PAK5: variants seen among roughly 807,000 people sequenced by gnomAD.
PAK5 encodes the protein serine/threonine-protein kinase PAK 5.
A neutral mutation model predicts 65.9 loss-of-function variants in PAK5; 16 were observed. That is an observed-to-expected ratio of 0.24 (90% CI 0.16 to 0.37). The LOEUF is 0.37. Among genes scored for constraint, PAK5 ranks in the 10% least tolerant of loss-of-function variants. PAK5 has a pLI of 1.00. For missense variants in PAK5, 785 were observed against 903.9 expected (o/e 0.87, Z 1.69); for synonymous variants, 371 against 354.9 (o/e 1.05, Z -0.51).
intron 3 of PAK5, among the ~76,000 whole-genome samples, chr20:9,591,412 T>A (rs371648602): frequency 4.6e-4 from 70 of 152,088 alleles, no homozygotes; most frequent in African/African-American, 1.6e-3. Flanking sequence ...ATGAAAGAAA[T>A]GTAAGCATAT....
At chr20:9,806,933 A>G (rs991385431) in intron 1 of PAK5, among the ~76,000 whole-genome samples, 2 of 152,202 alleles carry the variant, frequency 1.3e-5, no homozygotes, top group African/African-American at 4.8e-5. Context: ...GGGCCCAAGG[A>G]CAGAATCCAT....
chr20:9,796,022 A>G (rs1022105634), intron 1 of PAK5, among the ~76,000 whole-genome samples: 24 of 152,028 alleles, frequency 1.6e-4, no homozygotes, highest in African/African-American at 5.6e-4. Context: ...GGACCTTTAC[A>G]CTATAGCCTG....
intron 3 of PAK5, among the ~76,000 whole-genome samples, chr20:9,601,574 C>T (rs1051294064): frequency 2.6e-5 from 4 of 152,220 alleles, no homozygotes; most frequent in South Asian, 2.1e-4. Flanking sequence ...AATATTCTCT[C>T]GATTCTTCCC....
chr20:9,566,366 G>C lies in PAK5; in HGVS notation c.1009C>G (p.Gln337Glu), dbSNP rs2045680833. 3 of 1,613,308 alleles carry C rather than the reference G, an allele frequency of 1.9e-6. No homozygotes were observed. Among genetic ancestry groups the C allele is most frequent in the Non-Finnish European group, 2.5e-6 (3 of 1,179,740 alleles). The change falls in exon 5 of 10, where the codon CAG (glutamine) becomes GAG (glutamate). Residue 337 changes from glutamine (Q) to glutamate (E), a missense_variant. Gln to Glu is a conservative substitution (Grantham distance 29). Coordinates refer to ENST00000353224, the MANE Select transcript of PAK5 (RefSeq NM_177990.4). ...CIPKVDYDRA[Q>E]MVLSPPLSGS... is the part of the protein sequence containing the mutation. The stretch of plus-strand genomic sequence containing the variant: ...GACAGTGGAGGGCTGAGGACCATCT[G>C]TGCTCGATCGTAATCCACCTGGGAA...
intron 1 of PAK5, among the ~76,000 whole-genome samples, chr20:9,770,570 T>G (rs2048821799): frequency 6.6e-6 from 1 of 152,082 alleles, no homozygotes; most frequent in Admixed American, 6.5e-5. Context: ...AAGATGGGCA[T>G]GAAGAGTTGA....
chr20:9,781,045 G>A (rs923334799), intron 1 of PAK5, among the ~76,000 whole-genome samples: 1 of 152,052 alleles, frequency 6.6e-6, no homozygotes, highest in African/African-American at 2.4e-5. Context: ...TATTCAAATG[G>A]ATAATATATG....
chr20:9,689,181 G>A (rs2047759731), intron 2 of PAK5, among the ~76,000 whole-genome samples: 1 of 152,130 alleles, frequency 6.6e-6, no homozygotes. Flanking sequence ...GAGTCAGGAG[G>A]TGTCACTGCT....
chr20:9,682,887 T>C (rs1465152073), intron 2 of PAK5, among the ~76,000 whole-genome samples: 1 of 152,218 alleles, frequency 6.6e-6, no homozygotes, highest in Non-Finnish European at 1.5e-5. Context: ...AGTAAAAATG[T>C]CTAATGATGT....
intron 1 of PAK5, among the ~76,000 whole-genome samples, chr20:9,772,954 T>C (rs983649670): frequency 3.3e-5 from 5 of 152,204 alleles, no homozygotes; most frequent in African/African-American, 1.2e-4. Flanking sequence ...AGGCATTGTC[T>C]CTCCTTGAAG....
At chr20:9,619,358 A>G (rs1340841862) in intron 3 of PAK5, among the ~76,000 whole-genome samples, 1 of 152,178 alleles carries the variant, frequency 6.6e-6, no homozygotes, top group Non-Finnish European at 1.5e-5. Context: ...GCAAGATAAA[A>G]CTGAAAAACA....
intron 7 of PAK5, among the ~76,000 whole-genome samples, chr20:9,548,432 G>C (rs1037449864): frequency 6.6e-6 from 1 of 151,756 alleles, no homozygotes; most frequent in African/African-American, 2.4e-5. Flanking sequence ...CAATGTGCAG[G>C]TTAGTTACAT....
At chr20:9,552,731 T>G (rs1348688783) in intron 7 of PAK5, among the ~76,000 whole-genome samples, 1 of 151,842 alleles carries the variant, frequency 6.6e-6, no homozygotes, top group Non-Finnish European at 1.5e-5. Context: ...TTAGTTTTTT[T>G]TTTTTTTGGC....
intron 3 of PAK5, among the ~76,000 whole-genome samples, chr20:9,590,907 G>A (rs2046158967): frequency 1.3e-5 from 2 of 152,182 alleles, no homozygotes; most frequent in Non-Finnish European, 2.9e-5. Context: ...GGGTGGTAAG[G>A]TCACCTTAGG....
intron 1 of PAK5, among the ~76,000 whole-genome samples, chr20:9,798,846 T>G (rs2049135125): frequency 6.6e-6 from 1 of 152,084 alleles, no homozygotes; most frequent in Non-Finnish European, 1.5e-5. Flanking sequence ...GGTAACTTAC[T>G]AAAAATGGTA....
At chr20:9,774,206 G>T (rs2048863742) in intron 1 of PAK5, among the ~76,000 whole-genome samples, 1 of 152,180 alleles carries the variant, frequency 6.6e-6, no homozygotes, top group Admixed American at 6.5e-5. Context: ...ACTCCCTACT[G>T]AAAGAGCTTG....
chr20:9,604,155 C>G (rs2123118296), intron 3 of PAK5, among the ~76,000 whole-genome samples: 1 of 152,308 alleles, frequency 6.6e-6, no homozygotes, highest in Non-Finnish European at 1.5e-5. Context: ...AGTGGCCAAC[C>G]TGATTAGTTC....
At chr20:9,742,545 C>G (rs2048461641) in intron 1 of PAK5, among the ~76,000 whole-genome samples, 1 of 152,200 alleles carries the variant, frequency 6.6e-6, no homozygotes, top group African/African-American at 2.4e-5. Context: ...GCAAATATAC[C>G]AATTTCTGTT....
intron 2 of PAK5, among the ~76,000 whole-genome samples, chr20:9,702,158 C>G (rs547969922): frequency 6.6e-6 from 1 of 152,152 alleles, no homozygotes; most frequent in Admixed American, 6.6e-5. Context: ...CTGGGTAGCT[C>G]TAAAGGAATA....
At chr20:9,695,387 T>C (rs2247949) in intron 2 of PAK5, among the ~76,000 whole-genome samples, 34,316 of 151,962 alleles carry the variant, frequency 0.23, 4,211 homozygotes, top group East Asian at 0.37. Flanking sequence ...ATCTTTTCCA[T>C]TATATTTATT....
Sources: allele counts gnomAD v4.1 joint callset (sites outside exome capture counted in the v4.1 genomes callset), GRCh38; gene constraint gnomAD v4.1.1; transcripts MANE v1.5; gene names NCBI Gene and HGNC (gene_info 2026-07-23, HGNC 2026-07-21).